The following KLHL3 variants were observed in gnomAD, a reference collection of about 807,000 sequenced individuals.
The protein encoded by KLHL3 is kelch like family member 3, also known as kelch-like protein 3.
In KLHL3, 19 loss-of-function variants were observed where a neutral mutation model predicts 70.5. The observed-to-expected ratio is 0.27, with a 90% CI of 0.19 to 0.40. The LOEUF is 0.40. KLHL3 is among the 10% of genes least tolerant of loss of function. The probability of loss-of-function intolerance (pLI) is 1.00; values close to 1 mark genes in which losing one functional copy is unlikely to be tolerated. For missense variants in KLHL3, 512 were observed against 771.1 expected (o/e 0.66, Z 3.98); for synonymous variants, 258 against 290.3 (o/e 0.89, Z 1.13).
chr5:137,625,609 A>C, intron 14 of KLHL3, 144 bp downstream of exon 14: 2 of 798,756 alleles, frequency 2.5e-6, no homozygotes, highest in South Asian at 3.4e-5. Context: ...GTGGCCATGT[A>C]ACAATTACCT....
In KLHL3 at chr5:137,634,090, G is replaced by T. The variant is rs775686735; in HGVS notation, c.1397C>A (p.Ala466Glu). ...CLSTVEQYNP[A>E]TNEWIYVADM... ...CGCCACGTATATCCATTCATTGGTC[G>T]CTGGGTTGTACTGCTCCACAGTGCT... Residue 466 changes from alanine to glutamate, a missense_variant, in exon 12 of 15, where the codon GCG becomes GAG. Ala to Glu is a moderately radical substitution (Grantham distance 107, BLOSUM62 -1). Transcript: ENST00000309755. 6.2e-7 allele frequency: 1 copy of T among 1,614,150 alleles called. No homozygotes were observed. Among genetic ancestry groups the T allele is most frequent in the South Asian group, 1.1e-5 (1 of 91,084 alleles).
Position 137,698,314 on chromosome 5 carries a change from T to C in KLHL3, c.336A>G (p.Glu112=), listed in dbSNP as rs1337878850. ...SKLIDYIYTA[E]IEVTEENVQV... ...GGACATTCTCTTCAGTCACCTCGAT[T>C]TCAGCAGTATAGATGTAGTCAATCA... Residue 112 remains glutamate, a synonymous_variant, in exon 4 of 15, where the codon GAA becomes GAG. Transcript: ENST00000309755. 1.2e-6 allele frequency: 2 copies of C among 1,614,224 alleles called. No individual in the cohort carries two copies. The highest frequency in any genetic ancestry group is 3.3e-5 in the Admixed American group (2 of 60,032).
chr5:137,696,507 G>C (rs904872606), intron 4 of KLHL3, among the ~76,000 whole-genome samples: 1 of 152,244 alleles, frequency 6.6e-6, no homozygotes, highest in Non-Finnish European at 1.5e-5. Context: ...TTGTTATGAG[G>C]ATCAAATGAG....
At chr5:137,727,766 C>A (rs1224370421) in intron 1 of KLHL3, among the ~76,000 whole-genome samples, 1 of 152,134 alleles carries the variant, frequency 6.6e-6, no homozygotes, top group African/African-American at 2.4e-5. Context: ...TCTGTATTCC[C>A]ACAGTACTGT....
At chr5:137,686,419 G>C (rs761941282) in intron 5 of KLHL3, among the ~76,000 whole-genome samples, 1 of 152,198 alleles carries the variant, frequency 6.6e-6, no homozygotes, top group Admixed American at 6.5e-5. Flanking sequence ...GATAGGATGC[G>C]CTACTCCCAT....
At chr5:137,643,156 G>A (rs1236858010) in intron 8 of KLHL3, among the ~76,000 whole-genome samples, 2 of 152,024 alleles carry the variant, frequency 1.3e-5, no homozygotes, top group Non-Finnish European at 2.9e-5. Context: ...CTCAAGACCA[G>A]CCTGGGCAAC....
intron 7 of KLHL3, among the ~76,000 whole-genome samples, chr5:137,659,223 T>C (rs529548603): frequency 6.6e-6 from 1 of 152,178 alleles, no homozygotes. Context: ...AAGAAAATGA[T>C]GAACAAGACA....
chr5:137,715,154 C>T (rs1272584674), intron 2 of KLHL3, among the ~76,000 whole-genome samples: 1 of 152,116 alleles, frequency 6.6e-6, no homozygotes, highest in Non-Finnish European at 1.5e-5. Context: ...CAACAAAGTG[C>T]AAAAGGAGGA....
At chr5:137,725,382 T>G (rs1753070216) in intron 1 of KLHL3, among the ~76,000 whole-genome samples, 1 of 152,186 alleles carries the variant, frequency 6.6e-6, no homozygotes, top group Non-Finnish European at 1.5e-5. Context: ...CATAAAATGG[T>G]TGATTTCTCC....
chr5:137,660,060 G>A (rs1751434856), intron 7 of KLHL3, among the ~76,000 whole-genome samples: 1 of 152,052 alleles, frequency 6.6e-6, no homozygotes, highest in African/African-American at 2.4e-5. Flanking sequence ...AAGTTTCAAA[G>A]TCAAATGAAT....
rs150781165 is a variant in KLHL3, at chr5:137,647,959, G to A, written c.904-7982C>T. 3.3e-5 allele frequency among the ~76,000 whole-genome samples: 5 copies of A among 152,292 alleles called. No individual in the cohort carries two copies. The East Asian group carries it at 9.6e-4, about 29-fold the overall frequency. On this transcript the variant is annotated intron_variant, in intron 8 of 14. Coordinates refer to ENST00000309755, the MANE Select transcript of KLHL3 (RefSeq NM_017415.3). ...CATAACTTGTAATATCAGGATAATA[G>A]GATGCTTCCCATATGGGTGTCAGGA...
Position 137,621,799 on chromosome 5 carries a change from C to T in KLHL3, c.*299G>A, listed in dbSNP as rs539132895. On this transcript the variant is annotated 3_prime_UTR_variant, in exon 15 of 15. Transcript: ENST00000309755. ...GTCTACACACACACACACACACACA[C>T]ACACTCCAGGGTCTGTATTGTCCCT... 1.0e-4 allele frequency: 48 copies of T among 469,380 alleles called. No individual in the cohort carries two copies. The highest frequency in any genetic ancestry group is 1.6e-4 in the Non-Finnish European group (42 of 259,818). The allele number at this position is 469,380 out of a possible 1,614,324, so 29.1% of individuals were successfully genotyped here.
intron 2 of KLHL3, among the ~76,000 whole-genome samples, chr5:137,711,348 CA>C (rs754181881): frequency 3.3e-5 from 5 of 152,200 alleles, no homozygotes; most frequent in Non-Finnish European, 7.3e-5. Flanking sequence ...AAAAGATGCC[CA>C]AAGCCACAGA....
intron 6 of KLHL3, among the ~76,000 whole-genome samples, chr5:137,666,521 C>T (rs1751619383): frequency 1.3e-5 from 2 of 152,186 alleles, no homozygotes; most frequent in Non-Finnish European, 2.9e-5. Flanking sequence ...AAGCGGGTAG[C>T]ATTTATTGAT....
intron 6 of KLHL3, chr5:137,671,983 T>TA (rs2149903926): frequency 6.6e-6 from 1 of 152,334 alleles, no homozygotes; most frequent in East Asian, 1.9e-4. Flanking sequence ...GAGTGAAACA[T>TA]ACCTGGAGAA....
intron 6 of KLHL3, chr5:137,671,901 T>C (rs1367807881): frequency 2.0e-5 from 3 of 152,160 alleles, no homozygotes; most frequent in Admixed American, 6.5e-5. Flanking sequence ...AAAAGTTTAG[T>C]TGTATACTTG....
rs1554089725 is a variant in KLHL3, at chr5:137,627,477, A to ACC, written c.1591+818_1591+819dup. ...AATGAGTAAATTAGTAAATATCACC[A>ACC]CCCCCCCCCCCGGTTTACACTTCCA... On this transcript the variant is annotated intron_variant, in intron 13 of 14. Transcript: ENST00000309755. Among the ~76,000 whole-genome samples the ACC allele has an allele frequency of 1.4e-3, 109 of 79,440 alleles. 1 individual carries two copies. The East Asian group carries it at 0.014, about 10-fold the overall frequency. The allele number at this position is 79,440 out of a possible 152,430, so 52.1% of individuals were successfully genotyped here.
chr5:137,658,330 TC>T, intron 7 of KLHL3, 50 bp from the exon 8 acceptor site: 1 of 1,583,140 alleles, frequency 6.3e-7, no homozygotes, highest in Non-Finnish European at 8.7e-7. Flanking sequence ...CAGCCACATT[TC>T]CCAAGCTTTC....
At chr5:137,640,066 G>T in intron 8 of KLHL3, 89 bp from the exon 9 acceptor site, 1 of 1,087,290 alleles carries the variant, frequency 9.2e-7, no homozygotes, top group Non-Finnish European at 1.4e-6. Flanking sequence ...TATCGCCCAG[G>T]GTGTGTGGAT....
Sources: allele counts gnomAD v4.1 joint callset (sites outside exome capture counted in the v4.1 genomes callset), GRCh38; gene constraint gnomAD v4.1.1; transcripts MANE v1.5; gene names NCBI Gene and HGNC (gene_info 2026-07-23, HGNC 2026-07-21).